Variants in LGALS8 observed in about 807,000 individuals in gnomAD.
The protein encoded by LGALS8 is galectin-8.
In LGALS8, 30 loss-of-function variants were observed where a neutral mutation model predicts 35.9. The ratio of observed to expected loss-of-function variants is 0.83; its 90% CI spans 0.62 to 1.13. LGALS8 has a LOEUF of 1.13. Ranked by LOEUF, LGALS8 falls within the 50% of genes most tolerant of loss-of-function variation. LGALS8 has a pLI of 0.00. For missense variants in LGALS8, 366 were observed against 388.7 expected, an observed-to-expected ratio of 0.94 and a Z score of 0.49; for synonymous variants, 138 against 136.1, an observed-to-expected ratio of 1.01 and a Z score of -0.10.
intron 1 of LGALS8, chr1:236,524,612 G>A (rs549293349): frequency 2.8e-6 from 1 of 359,812 alleles, no homozygotes; most frequent in African/African-American, 2.1e-5. Flanking sequence ...AAACTTAAGT[G>A]ATGGCTGCTT....
upstream of LGALS8, chr1:236,523,862 G>A (rs995466289): frequency 2.9e-6 from 1 of 348,232 alleles, no homozygotes; most frequent in Non-Finnish European, 5.7e-6. Context: ...GAGCCGCCAG[G>A]GACGCCCCAG....
intron 1 of LGALS8, chr1:236,518,391 A>T (rs1232207988): frequency 6.6e-6 from 1 of 152,170 alleles, no homozygotes; most frequent in Non-Finnish European, 1.5e-5. Flanking sequence ...AGGTCAAAGC[A>T]AGAGGATTCA....
rs762935550 is a variant in LGALS8, at chr1:236,530,986, A to G, written c.45+4871A>G. 2.6e-5 allele frequency among the ~76,000 whole-genome samples: 4 copies of G among 152,008 alleles called. No individual in the cohort carries two copies. The South Asian group carries it at 8.3e-4, about 31-fold the overall frequency. On this transcript the variant is annotated intron_variant, in intron 2 of 9. Transcript: ENST00000366584. ...ATATCCAAAAGTGTGTGTGTTGTGT[A>G]TATCACCTTTTATATATCCTGTCTC...
chr1:236,537,934 TAA>T (rs1553277041), intron 3 of LGALS8, among the ~76,000 whole-genome samples: 3 of 128,874 alleles, frequency 2.3e-5, no homozygotes, highest in African/African-American at 3.3e-5. Context: ...CCCCCATCTG[TAA>T]AAAAAAAAAA....
chr1:236,534,552 CCA>C (rs1266942153), intron 2 of LGALS8, among the ~76,000 whole-genome samples: 3 of 151,676 alleles, frequency 2.0e-5, no homozygotes, highest in Non-Finnish European at 4.4e-5. Flanking sequence ...TTCACAGAAG[CCA>C]CATAGTCGTG....
intron 2 of LGALS8, among the ~76,000 whole-genome samples, chr1:236,532,115 C>T (rs968173728): frequency 2.0e-5 from 3 of 152,146 alleles, no homozygotes; most frequent in Non-Finnish European, 4.4e-5. Flanking sequence ...TCTGGTCCCC[C>T]AGAAGGAAAG....
intron 3 of LGALS8, among the ~76,000 whole-genome samples, 194 bp downstream of exon 3, chr1:236,537,779 TGTAA>T (rs1433573357): frequency 7.6e-6 from 1 of 132,046 alleles, no homozygotes; most frequent in Non-Finnish European, 1.7e-5. Context: ...ATTTCATTGC[TGTAA>T]GTCTGATTTC....
chr1:236,522,323 G>A (rs1010156657), upstream of LGALS8, among the ~76,000 whole-genome samples: 3 of 152,120 alleles, frequency 2.0e-5, no homozygotes, highest in African/African-American at 4.8e-5. Context: ...TTGACTCAGG[G>A]CCCAGCTTGG....
upstream of LGALS8, among the ~76,000 whole-genome samples, chr1:236,521,699 G>A (rs1177704355): frequency 4.6e-5 from 7 of 151,988 alleles, no homozygotes; most frequent in East Asian, 1.9e-4. Flanking sequence ...ATGGTGGCGC[G>A]CACCTGTAGT....
chr1:236,547,886 C>A, intron 9 of LGALS8, 126 bp from the exon 10 acceptor site: 1 of 799,204 alleles, frequency 1.3e-6, no homozygotes, highest in Non-Finnish European at 2.0e-6. Context: ...AGAAGGAAGT[C>A]AGCAGCAGCA....
At chr1:236,538,561 C>G (rs1416443825) in intron 3 of LGALS8, among the ~76,000 whole-genome samples, 1 of 152,220 alleles carries the variant, frequency 6.6e-6, no homozygotes, top group Admixed American at 6.5e-5. Flanking sequence ...AAGGCAGTTT[C>G]CAGTAGCCTT....
Position 236,551,041 on chromosome 1 carries a change from C to T in LGALS8, c.*2880C>T, listed in dbSNP as rs757491833. The T allele has an allele frequency of 2.2e-6, 3 of 1,371,164 alleles. No individual in the cohort carries two copies. The Admixed American group carries it at 6.2e-5, about 28-fold the overall frequency. 84.9% of individuals were successfully genotyped at this position (1,371,164 alleles called of 1,614,324 possible). A position where few individuals can be genotyped will look rare whatever the true frequency, so the allele number is the denominator to read the frequency against. Reference sequence around the variant, plus strand: ...ATTAAAATCTGAGTCAGTCCGCCTGCCTCGGTTCTCATTAGTTTAATTCTT... The same window carrying T: ...ATTAAAATCTGAGTCAGTCCGCCTGTCTCGGTTCTCATTAGTTTAATTCTT... On this transcript the variant is annotated 3_prime_UTR_variant, in exon 10 of 10. Transcript: ENST00000366584.
At chr1:236,525,341 C>G (rs1535502) in intron 1 of LGALS8, 1 of 151,622 alleles carries the variant, frequency 6.6e-6, no homozygotes, top group African/African-American at 2.4e-5. Context: ...AAATGAAAAT[C>G]TAAATGAATA....
At chr1:236,539,710 G>A (rs2489151) in intron 4 of LGALS8, among the ~76,000 whole-genome samples, 91,410 of 151,922 alleles carry the variant, frequency 0.6, 28,531 homozygotes, top group Non-Finnish European at 0.69. Flanking sequence ...TGCCTCTGGC[G>A]CAGATCCTTT....
At chr1:236,519,901 T>C (rs1389375684), upstream of LGALS8, among the ~76,000 whole-genome samples, 1 of 150,672 alleles carries the variant, frequency 6.6e-6, no homozygotes, top group Non-Finnish European at 1.5e-5. Flanking sequence ...TTTTTTAAAA[T>C]GAAAAAGTAG....
upstream of LGALS8, among the ~76,000 whole-genome samples, chr1:236,521,830 C>CAAA (rs35210291): frequency 2.1e-5 from 3 of 142,038 alleles, no homozygotes; most frequent in Admixed American, 7.0e-5. Context: ...GAGACTGCCT[C>CAAA]AAAAAAAAAA....
At position 236,550,992 on chromosome 1, in the gene LGALS8, T is replaced by TAAAAAAAAA. The variant is rs55866014; in HGVS notation, c.*2841_*2849dup. 1.1e-5 allele frequency: 14 copies of TAAAAAAAAA among 1,255,688 alleles called. No homozygotes were observed. The highest frequency in any genetic ancestry group is 1.5e-5 in the South Asian group (1 of 65,372). The allele number at this position is 1,255,688 out of a possible 1,614,324, so 77.8% of individuals were successfully genotyped here. On this transcript the variant is annotated 3_prime_UTR_variant, in exon 10 of 10. Coordinates refer to ENST00000366584, the MANE Select transcript of LGALS8 (RefSeq NM_201544.4). ...GATGTTCTACTTCTTCACATTCATC[T>TAAAAAAAAA]AAAAAAAAAAAAAAAAAATCAAAAT...
At chr1:236,541,473 T>C in intron 5 of LGALS8, 181 bp from the exon 6 acceptor site, 1 of 482,936 alleles carries the variant, frequency 2.1e-6, no homozygotes. Context: ...CATCTTATTC[T>C]CTGTAATGTT....
At position 236,526,148 on chromosome 1, in the gene LGALS8, A is replaced by C; in HGVS notation, c.45+33A>C. 7.0e-7 allele frequency: 1 copy of C among 1,418,742 alleles called. No individual in the cohort carries two copies. The highest frequency in any genetic ancestry group is 1.0e-6 in the Non-Finnish European group (1 of 1,004,214). The allele number at this position is 1,418,742 out of a possible 1,614,324, so 87.9% of individuals were successfully genotyped here. Reference sequence around the variant, plus strand: ...ATTTCTATAAGATAACTTTTTACCTATGCCAGGACAGATCCAATAGAATAT... The same window carrying C: ...ATTTCTATAAGATAACTTTTTACCTCTGCCAGGACAGATCCAATAGAATAT... On this transcript the variant is annotated intron_variant, in intron 2 of 9. Transcript: ENST00000366584. The surrounding 1 kb of genome is among the most constrained non-coding windows in gnomAD (Gnocchi z 4.6).
Sources: gnomAD v4.1 joint callset for allele counts (sites outside exome capture counted in the v4.1 genomes callset) on GRCh38, gnomAD v4.1.1 for gene constraint, Gnocchi (gnomAD v3.1) non-coding constraint, MANE v1.5 for transcripts, NCBI Gene and HGNC (gene_info 2026-07-23, HGNC 2026-07-21) for gene names.